WDFY2: variants seen among roughly 807,000 people sequenced by gnomAD.
WDFY2 encodes the protein WD repeat and FYVE domain-containing protein 2.
A neutral mutation model predicts 56.4 loss-of-function variants in WDFY2; 36 were observed. The ratio of observed to expected loss-of-function variants is 0.64; its 90% CI spans 0.49 to 0.84. The LOEUF is 0.84. Among genes scored for constraint, WDFY2 ranks in the 40% least tolerant of loss-of-function variants. The probability of loss-of-function intolerance (pLI) is 0.00; values close to 1 mark genes in which losing one functional copy is unlikely to be tolerated. For missense variants in WDFY2, 444 were observed against 512.2 expected, an observed-to-expected ratio of 0.87 and a Z score of 1.29; for synonymous variants, 176 against 183.7, an observed-to-expected ratio of 0.96 and a Z score of 0.34.
At chr13:51,667,578 T>G (rs1955729514) in intron 2 of WDFY2, among the ~76,000 whole-genome samples, 1 of 152,176 alleles carries the variant, frequency 6.6e-6, no homozygotes, top group Non-Finnish European at 1.5e-5. Flanking sequence ...GTGGTGATTG[T>G]TTTCCTGACT....
intron 3 of WDFY2, among the ~76,000 whole-genome samples, chr13:51,694,431 CT>C (rs1203755093): frequency 4.6e-5 from 7 of 152,120 alleles, no homozygotes; most frequent in Non-Finnish European, 7.4e-5. Flanking sequence ...TTTATTTCTC[CT>C]TCACTTATGA....
chr13:51,682,915 T>C (rs1217049399), intron 3 of WDFY2, among the ~76,000 whole-genome samples: 1 of 152,186 alleles, frequency 6.6e-6, no homozygotes, highest in African/African-American at 2.4e-5. Context: ...ATTCAACTTA[T>C]TTCTGGTCCC....
intron 6 of WDFY2, among the ~76,000 whole-genome samples, chr13:51,730,036 T>C (rs573269505): frequency 1.3e-5 from 2 of 152,296 alleles, no homozygotes; most frequent in African/African-American, 4.8e-5. Context: ...TCTGTTTCTA[T>C]GAATTTGACT....
rs138464684 is a variant in WDFY2 at position 51,727,766 on chromosome 13, G to A, written c.574G>A (p.Val192Ile). The change falls in exon 6 of 12, where the codon GTC becomes ATC. Residue 192 changes from valine to isoleucine, a missense_variant. Val to Ile is a conservative substitution (Grantham distance 29, BLOSUM62 3). Transcript: ENST00000298125. ...LKLEQENCTL[V>I]TTFRGHTGGV... ...ACTGGAGCAAGAAAACTGCACCCTG[G>A]TCACAACATTCAGAGGACACACAGG... The A allele has an allele frequency of 1.9e-6, 3 of 1,614,150 alleles. No individual in the cohort carries two copies. Among genetic ancestry groups the A allele is most frequent in the East Asian group, 4.5e-5 (2 of 44,882 alleles).
intron 3 of WDFY2, among the ~76,000 whole-genome samples, chr13:51,689,251 C>G (rs561969071): frequency 3.3e-5 from 5 of 152,098 alleles, no homozygotes; most frequent in African/African-American, 1.2e-4. Context: ...AAACCTGTTA[C>G]CATTGATGAG....
intron 1 of WDFY2, chr13:51,590,638 A>G (rs1243968439): frequency 1.3e-5 from 2 of 152,196 alleles, no homozygotes; most frequent in Non-Finnish European, 2.9e-5. Context: ...CCACCATACC[A>G]AGCTTTTCTT....
At position 51,629,519 on chromosome 13, in the gene WDFY2, G is replaced by A. The variant is rs1954908758; in HGVS notation, c.138-31077G>A. On this transcript the variant is annotated intron_variant, in intron 1 of 11. Transcript: ENST00000298125. ...TTTTCTCTATTTATTTATAAGGGTT[G>A]TATTCAGTAATATAAATGAAATAAA... 2.6e-5 allele frequency among the ~76,000 whole-genome samples: 4 copies of A among 152,092 alleles called. No individual in the cohort carries two copies. In the South Asian group the frequency reaches 8.3e-4, roughly 31 times the overall value.
intron 1 of WDFY2, among the ~76,000 whole-genome samples, chr13:51,630,328 T>C (rs1428794283): frequency 6.6e-6 from 1 of 152,228 alleles, no homozygotes; most frequent in African/African-American, 2.4e-5. Flanking sequence ...GTGGAATTTC[T>C]GAGTCACAGA....
chr13:51,714,337 G>C (rs1566169843), intron 4 of WDFY2, among the ~76,000 whole-genome samples: 2 of 152,174 alleles, frequency 1.3e-5, no homozygotes, highest in South Asian at 4.1e-4. Context: ...TGTCGCCCAG[G>C]CTGGAGTGCA....
chr13:51,667,591 T>C (rs1388955417), intron 2 of WDFY2, among the ~76,000 whole-genome samples: 3 of 152,204 alleles, frequency 2.0e-5, no homozygotes, highest in Admixed American at 1.3e-4. Flanking sequence ...TCCTGACTTT[T>C]AAACATCTTT....
At chr13:51,596,878 C>T (rs966657213) in intron 1 of WDFY2, among the ~76,000 whole-genome samples, 14 of 152,162 alleles carry the variant, frequency 9.2e-5, no homozygotes, top group Non-Finnish European at 7.3e-5. Context: ...TAGCCATATT[C>T]CTCTCAAGGC....
intron 2 of WDFY2, among the ~76,000 whole-genome samples, chr13:51,662,728 T>C (rs1955637416): frequency 6.6e-6 from 1 of 152,268 alleles, no homozygotes; most frequent in South Asian, 2.1e-4. Flanking sequence ...AATAAATACT[T>C]ATTGAAGGAT....
chr13:51,598,187 C>T (rs1187927846), intron 1 of WDFY2, among the ~76,000 whole-genome samples: 1 of 152,054 alleles, frequency 6.6e-6, no homozygotes, highest in Non-Finnish European at 1.5e-5. Flanking sequence ...TGGTGAAACC[C>T]TGTCTCTACT....
rs558552794 is a variant in WDFY2, at chr13:51,622,563, G to A, written c.137+37739G>A. Among the ~76,000 whole-genome samples, 5 of 152,346 alleles carry A rather than the reference G, an allele frequency of 3.3e-5. No homozygotes were observed. The South Asian group carries it at 8.3e-4, about 25-fold the overall frequency. On this transcript the variant is annotated intron_variant, in intron 1 of 11. Coordinates refer to ENST00000298125, the MANE Select transcript of WDFY2 (RefSeq NM_052950.4). Reference sequence around the variant, plus strand: ...TTTATAAGTTTCAAATTCTGAGCCTGGTGGAGGGCAGATTCCCTCTGTAAA... The same window carrying A: ...TTTATAAGTTTCAAATTCTGAGCCTAGTGGAGGGCAGATTCCCTCTGTAAA...
chr13:51,702,651 G>A (rs12428478), intron 3 of WDFY2, among the ~76,000 whole-genome samples: 15,312 of 152,104 alleles, frequency 0.1, 978 homozygotes, highest in Admixed American at 0.2. Flanking sequence ...AGGAAGACCC[G>A]GATAGCAAGT....
At chr13:51,646,410 C>A (rs1435524875) in intron 1 of WDFY2, among the ~76,000 whole-genome samples, 1 of 152,208 alleles carries the variant, frequency 6.6e-6, no homozygotes, top group African/African-American at 2.4e-5. Context: ...TGCCTGAGCC[C>A]GGGCTCTGTA....
At chr13:51,623,868 C>CT (rs748513300) in intron 1 of WDFY2, among the ~76,000 whole-genome samples, 14 of 151,144 alleles carry the variant, frequency 9.3e-5, no homozygotes, top group Admixed American at 1.3e-4. Context: ...GGAATAGGCA[C>CT]TTTTTTTAAC....
At position 51,698,802 on chromosome 13, in the gene WDFY2, T is replaced by G. The variant is rs186254705; in HGVS notation, c.280-4794T>G. 2.1e-3 allele frequency among the ~76,000 whole-genome samples: 320 copies of G among 152,338 alleles called. 1 individual carries two copies. The highest frequency in any genetic ancestry group is 6.0e-3 in the African/African-American group (250 of 41,566). On this transcript the variant is annotated intron_variant, in intron 3 of 11. Coordinates refer to ENST00000298125, the MANE Select transcript of WDFY2 (RefSeq NM_052950.4). ...ATTTTAACTCATAATGCCATGGTTG[T>G]TTGTTAAGTAAAAAAAATAAAACAT... is the stretch of plus-strand genomic sequence containing the variant.
intron 2 of WDFY2, among the ~76,000 whole-genome samples, chr13:51,661,942 GT>G (rs911721660): frequency 3.3e-5 from 5 of 151,124 alleles, no homozygotes; most frequent in South Asian, 4.2e-4. Context: ...AATTCTCTAG[GT>G]TTTTTTTTCC....
Sources: gnomAD v4.1 joint callset for allele counts (sites outside exome capture counted in the v4.1 genomes callset) on GRCh38, gnomAD v4.1.1 for gene constraint, MANE v1.5 for transcripts, NCBI Gene and HGNC (gene_info 2026-07-23, HGNC 2026-07-21) for gene names.